FUT6: variants seen among roughly 807,000 people sequenced by gnomAD.
FUT6 encodes 4-galactosyl-N-acetylglucosaminide 3-alpha-L-fucosyltransferase FUT6.
For synonymous variants in FUT6, 187 were observed against 209.9 expected, an observed-to-expected ratio of 0.89 and a Z score of 0.94; for missense variants, 454 against 494.6, an observed-to-expected ratio of 0.92 and a Z score of 0.78.
intron 2 of FUT6, chr19:5,833,045 G>A (rs1441038001): frequency 5.8e-6 from 1 of 172,760 alleles, no homozygotes; most frequent in South Asian, 1.4e-4. Flanking sequence ...GAGTAGACCT[G>A]TGGGAAAGGG....
At chr19:5,834,470 G>A (rs1397143013) in intron 2 of FUT6, 2 of 152,578 alleles carry the variant, frequency 1.3e-5, no homozygotes, top group Non-Finnish European at 2.9e-5. Flanking sequence ...AAATCCCCCG[G>A]AGTGTGGGCA....
Position 5,832,553 on chromosome 19 carries a change from G to A in FUT6, c.15C>T (p.Gly5=), listed in dbSNP as rs1339995423. The change falls in exon 3 of 3, where the codon GGC becomes GGT. Residue 5 remains glycine, a synonymous_variant. Coordinates refer to ENST00000318336, the MANE Select transcript of FUT6 (RefSeq NM_000150.4). The surrounding 1 kb of genome is among the most constrained non-coding windows in gnomAD (Gnocchi z 4.3). ...GCCACGACCACTGTGGCTTGGCCGG[G>A]CCCAGGGGATCCATGGGTCAGAGTA... MDPL[G]PAKPQWSWRC... is the part of the protein sequence containing the mutation. 1 of 1,613,406 alleles carries A rather than the reference G, an allele frequency of 6.2e-7. No homozygotes were observed. Among genetic ancestry groups the A allele is most frequent in the South Asian group, 1.1e-5 (1 of 91,086 alleles).
intron 1 of FUT6, among the ~76,000 whole-genome samples, chr19:5,837,005 T>C (rs2057189160): frequency 6.6e-6 from 1 of 152,134 alleles, no homozygotes; most frequent in Admixed American, 6.6e-5. Context: ...ACATCTTGGA[T>C]GGGCAAATCT....
In FUT6 at chr19:5,832,538, C is replaced by T. The variant is rs747467061; in HGVS notation, c.30G>A (p.Gln10=). 6.2e-7 allele frequency: 1 copy of T among 1,613,618 alleles called. No homozygotes were observed. Among genetic ancestry groups the T allele is most frequent in the South Asian group, 1.1e-5 (1 of 91,080 alleles). Residue 10 remains glutamine, a synonymous_variant, in exon 3 of 3, where the codon CAG becomes CAA. Transcript: ENST00000318336. This position sits in a 1 kb window ranked among gnomAD's most constrained non-coding sequence, Gnocchi z 4.3. ...TGGTCAGACAGCAGCGCCACGACCA[C>T]TGTGGCTTGGCCGGGCCCAGGGGAT... is the stretch of plus-strand genomic sequence containing the variant. MDPLGPAKP[Q]WSWRCCLTTL...
At chr19:5,838,115 A>T (rs972815672) in intron 1 of FUT6, 1 of 152,120 alleles carries the variant, frequency 6.6e-6, no homozygotes, top group Admixed American at 6.6e-5. Context: ...TTTGCCGGTG[A>T]CCTTCAGGAG....
rs1429251795 is a variant in FUT6 at position 5,838,811 on chromosome 19, G to T, written c.-275C>A. Reference sequence around the variant, plus strand: ...GAAGTGTACCCGGAGCTGAAACCAGGCCCTTTCCAACCACCACACCTGTCA... The same window carrying T: ...GAAGTGTACCCGGAGCTGAAACCAGTCCCTTTCCAACCACCACACCTGTCA... On this transcript the variant is annotated 5_prime_UTR_variant, in exon 1 of 3. Coordinates refer to ENST00000318336, the MANE Select transcript of FUT6 (RefSeq NM_000150.4). 5 of 152,364 alleles carry T rather than the reference G, an allele frequency of 3.3e-5. No homozygotes were observed. The highest frequency in any genetic ancestry group is 3.4e-3 in the Middle Eastern group (1 of 294). The allele number at this position is 152,364 out of a possible 1,614,324, so 9.4% of individuals were successfully genotyped here. A position where few individuals can be genotyped will look rare whatever the true frequency, so the allele number is the denominator to read the frequency against.
rs1306736814 is a variant in FUT6 at position 5,831,932 on chromosome 19, C to T, written c.636G>A (p.Leu212=). The change falls in exon 3 of 3, where the codon CTG becomes CTA. Residue 212 remains leucine, a synonymous_variant. Coordinates refer to ENST00000318336, the MANE Select transcript of FUT6 (RefSeq NM_000150.4). The surrounding 1 kb of genome is among the most constrained non-coding windows in gnomAD (Gnocchi z 7.0). ...NSARVRYYQS[L]QAHLKVDVYG... is the part of the protein sequence containing the mutation. ...ACACGTCCACCTTGAGATGGGCCTGCAGGCTCTGGTAGTAGCGCACCCTGG... is the reference window on the plus strand; with the variant it reads ...ACACGTCCACCTTGAGATGGGCCTGTAGGCTCTGGTAGTAGCGCACCCTGG... The T allele has an allele frequency of 2.5e-6, 4 of 1,614,004 alleles. No individual in the cohort carries two copies. The highest frequency in any genetic ancestry group is 1.3e-5 in the African/African-American group (1 of 75,052).
chr19:5,832,274 C>T lies in FUT6; in HGVS notation c.294G>A (p.Val98=). 6.2e-7 allele frequency: 1 copy of T among 1,613,942 alleles called. No homozygotes were observed. The highest frequency in any genetic ancestry group is 8.5e-7 in the Non-Finnish European group (1 of 1,180,006). ...CGATGACCGCGTCTGCCTGTGGATACACCTTGCGGTCGGCAGTGATGTTGC... is the reference window on the plus strand; with the variant it reads ...CGATGACCGCGTCTGCCTGTGGATATACCTTGCGGTCGGCAGTGATGTTGC... ...ADCNITADRK[V]YPQADAVIVH... Residue 98 remains valine (V), a synonymous_variant, in exon 3 of 3, where the codon GTG becomes GTA. Coordinates refer to ENST00000318336, the MANE Select transcript of FUT6 (RefSeq NM_000150.4). The surrounding 1 kb of genome is among the most constrained non-coding windows in gnomAD (Gnocchi z 4.3).
At position 5,832,478 on chromosome 19, in the gene FUT6, G is replaced by A. The variant is rs1379622945; in HGVS notation, c.90C>T (p.Phe30=). ...CTTGAGACACACGCAGATAGGAGAA[G>A]AAACACACAGCCATCAGCAGCTGAA... ...LLFQLLMAVC[F]FSYLRVSQDD... The change falls in exon 3 of 3, where the codon TTC becomes TTT. Residue 30 remains phenylalanine, a synonymous_variant. Coordinates refer to ENST00000318336, the MANE Select transcript of FUT6 (RefSeq NM_000150.4). This position sits in a 1 kb window ranked among gnomAD's most constrained non-coding sequence, Gnocchi z 4.3. 1 of 1,613,864 alleles carries A rather than the reference G, an allele frequency of 6.2e-7. No homozygotes were observed. The highest frequency in any genetic ancestry group is 8.5e-7 in the Non-Finnish European group (1 of 1,179,982).
At chr19:5,835,210 G>C (rs760330561) in intron 1 of FUT6, 133 bp from the exon 2 acceptor site, 3 of 152,184 alleles carry the variant, frequency 2.0e-5, no homozygotes, top group Non-Finnish European at 2.9e-5. Context: ...GCCCCCATAG[G>C]GTGTCACAGA....
Position 5,831,439 on chromosome 19 carries a change from G to C in FUT6, c.*49C>G, listed in dbSNP as rs767327225. 110 of 1,613,432 alleles carry C rather than the reference G, an allele frequency of 6.8e-5. No individual in the cohort carries two copies. The highest frequency in any genetic ancestry group is 1.2e-4 in the Admixed American group (7 of 60,004). Reference sequence around the variant, plus strand: ...GTAGATGAGGCCCCCACTCAGGTGAGGCCCCAGGAAAATGAGGTTCCTGGC... The same window carrying C: ...GTAGATGAGGCCCCCACTCAGGTGACGCCCCAGGAAAATGAGGTTCCTGGC... On this transcript the variant is annotated 3_prime_UTR_variant, in exon 3 of 3. Transcript: ENST00000318336. This position sits in a 1 kb window ranked among gnomAD's most constrained non-coding sequence, Gnocchi z 7.0.
Position 5,831,447 on chromosome 19 carries a change from G to A in FUT6, c.*41C>T. ...GGCCCCCACTCAGGTGAGGCCCCAGGAAAATGAGGTTCCTGGCAGCCCAGG... is the reference window on the plus strand; with the variant it reads ...GGCCCCCACTCAGGTGAGGCCCCAGAAAAATGAGGTTCCTGGCAGCCCAGG... On this transcript the variant is annotated 3_prime_UTR_variant, in exon 3 of 3. Transcript: ENST00000318336. This position sits in a 1 kb window ranked among gnomAD's most constrained non-coding sequence, Gnocchi z 7.0. 3.1e-6 allele frequency: 5 copies of A among 1,613,666 alleles called. No homozygotes were observed. Among genetic ancestry groups the A allele is most frequent in the Non-Finnish European group, 4.2e-6 (5 of 1,180,038 alleles).
chr19:5,837,150 G>A (rs982347059), intron 1 of FUT6, among the ~76,000 whole-genome samples: 2 of 151,932 alleles, frequency 1.3e-5, no homozygotes, highest in Non-Finnish European at 2.9e-5. Flanking sequence ...TGATTTTCCT[G>A]CCTCAGCCTC....
chr19:5,832,582 G>C lies in FUT6; in HGVS notation c.-12-3C>G. The C allele has an allele frequency of 6.2e-7, 1 of 1,602,588 alleles. No homozygotes were observed. The highest frequency in any genetic ancestry group is 1.1e-5 in the South Asian group (1 of 90,866). ...AGGGGATCCATGGGTCAGAGTATCT[G>C]GGAAGTGGGGAGAGAGGAGTGAGGG... On this transcript the variant is annotated splice_polypyrimidine_tract_variant and splice_region_variant and intron_variant, in intron 2 of 2. Coordinates refer to ENST00000318336, the MANE Select transcript of FUT6 (RefSeq NM_000150.4). This position sits in a 1 kb window ranked among gnomAD's most constrained non-coding sequence, Gnocchi z 4.3.
rs111912575 is a variant in FUT6 at position 5,830,588 on chromosome 19, G to T, written c.*900C>A. ...GCTGGGATTACAGGCACCGGCCACCGCACCCAGCTAATTTTTTTTTTTTTT... is the reference window on the plus strand; with the variant it reads ...GCTGGGATTACAGGCACCGGCCACCTCACCCAGCTAATTTTTTTTTTTTTT... On this transcript the variant is annotated 3_prime_UTR_variant, in exon 3 of 3. Transcript: ENST00000318336. 2 of 133,432 alleles carry T rather than the reference G, an allele frequency of 1.5e-5. 1 individual carries two copies. Among genetic ancestry groups the T allele is most frequent in the South Asian group, 4.7e-4 (2 of 4,218 alleles). 8.3% of individuals were successfully genotyped at this position (133,432 alleles called of 1,614,324 possible). A position where few individuals can be genotyped will look rare whatever the true frequency, so the allele number is the denominator to read the frequency against.
Position 5,831,343 on chromosome 19 carries a change from G to A in FUT6, c.*145C>T, listed in dbSNP as rs1273870584. On this transcript the variant is annotated 3_prime_UTR_variant, in exon 3 of 3. Transcript: ENST00000318336. This position sits in a 1 kb window ranked among gnomAD's most constrained non-coding sequence, Gnocchi z 7.0. ...GTAGGTGAATCCCCAGGCAGGTGAA[G>A]CTGCAACAGGTGACCGTCCCAGGCA... The A allele has an allele frequency of 1.3e-6, 2 of 1,590,708 alleles. No homozygotes were observed. The highest frequency in any genetic ancestry group is 1.7e-6 in the Non-Finnish European group (2 of 1,165,914).
chr19:5,831,315 C>A lies in FUT6; in HGVS notation c.*173G>T. The stretch of plus-strand genomic sequence containing the variant: ...GTGAGGCCCCAGGAAAGTGAGGACC[C>A]AGGTAGGTGAATCCCCAGGCAGGTG... On this transcript the variant is annotated 3_prime_UTR_variant, in exon 3 of 3. Transcript: ENST00000318336. This position sits in a 1 kb window ranked among gnomAD's most constrained non-coding sequence, Gnocchi z 7.0. 1 of 1,498,896 alleles carries A rather than the reference C, an allele frequency of 6.7e-7. No homozygotes were observed. The highest frequency in any genetic ancestry group is 9.2e-7 in the Non-Finnish European group (1 of 1,085,366). 92.8% of individuals were successfully genotyped at this position (1,498,896 alleles called of 1,614,324 possible). A position where few individuals can be genotyped will look rare whatever the true frequency, so the allele number is the denominator to read the frequency against.
Position 5,832,511 on chromosome 19 carries a change from C to T in FUT6, c.57G>A (p.Thr19=), listed in dbSNP as rs371867552. The part of the protein sequence containing the change: ...PQWSWRCCLT[T]LLFQLLMAVC... The stretch of plus-strand genomic sequence containing the variant: ...CAGCCATCAGCAGCTGAAACAGCAG[C>T]GTGGTCAGACAGCAGCGCCACGACC... Residue 19 remains threonine, a synonymous_variant, in exon 3 of 3, where the codon ACG becomes ACA. Coordinates refer to ENST00000318336, the MANE Select transcript of FUT6 (RefSeq NM_000150.4). This position sits in a 1 kb window ranked among gnomAD's most constrained non-coding sequence, Gnocchi z 4.3. The T allele has an allele frequency of 8.1e-6, 13 of 1,613,674 alleles. No homozygotes were observed. Among genetic ancestry groups the T allele is most frequent in the South Asian group, 2.2e-5 (2 of 91,058 alleles).
rs2057220216 is a variant in FUT6 at position 5,839,128 on chromosome 19, A to C, written c.-592T>G. The C allele has an allele frequency of 6.6e-6, 1 of 152,086 alleles. No homozygotes were observed. Among genetic ancestry groups the C allele is most frequent in the African/African-American group, 2.4e-5 (1 of 41,424 alleles). 9.4% of individuals were successfully genotyped at this position (152,086 alleles called of 1,614,324 possible). A position where few individuals can be genotyped will look rare whatever the true frequency, so the allele number is the denominator to read the frequency against. On this transcript the variant is annotated 5_prime_UTR_variant, in exon 1 of 3. Coordinates refer to ENST00000318336, the MANE Select transcript of FUT6 (RefSeq NM_000150.4). ...TTTCTACCTTTCCGCTTTCCTTCCC[A>C]CCAGATCCCACCTTCTCACTCAGTT...
Sources: allele counts gnomAD v4.1 joint callset (sites outside exome capture counted in the v4.1 genomes callset), GRCh38; gene constraint gnomAD v4.1.1; non-coding constraint Gnocchi (gnomAD v3.1); transcripts MANE v1.5; gene names NCBI Gene and HGNC (gene_info 2026-07-23, HGNC 2026-07-21).